Variants in PBX1 observed in about 807,000 individuals in gnomAD.
The protein encoded by PBX1 is pre-B-cell leukemia transcription factor 1.
In PBX1, 6 loss-of-function variants were observed where a neutral mutation model predicts 53.4. That is an observed-to-expected ratio of 0.11 (90% CI 0.06 to 0.22). PBX1 has a LOEUF of 0.22. Among genes scored for constraint, PBX1 ranks in the 10% least tolerant of loss-of-function variants. PBX1 has a pLI of 1.00. For synonymous variants in PBX1, 204 were observed against 212.3 expected (o/e 0.96, Z 0.34); for missense variants, 251 against 551.4 (o/e 0.46, Z 5.46).
Position 164,559,722 on chromosome 1 carries a change from G to T in PBX1, c.-101G>T. 1.2e-6 allele frequency: 1 copy of T among 825,192 alleles called. No homozygotes were observed. Among genetic ancestry groups the T allele is most frequent in the Non-Finnish European group, 1.8e-6 (1 of 560,064 alleles). The allele number at this position is 825,192 out of a possible 1,614,324, so 51.1% of individuals were successfully genotyped here. ...CCCCTTCCCTGTTTATCCTGAAAAGGATTTGAAGACAAGCTTGAAGGATAA... is the reference window on the plus strand; with the variant it reads ...CCCCTTCCCTGTTTATCCTGAAAAGTATTTGAAGACAAGCTTGAAGGATAA... On this transcript the variant is annotated 5_prime_UTR_variant, in exon 1 of 9. Coordinates refer to ENST00000420696, the MANE Select transcript of PBX1 (RefSeq NM_002585.4).
intron 2 of PBX1, among the ~76,000 whole-genome samples, chr1:164,768,185 T>C (rs1489308304): frequency 6.6e-6 from 1 of 152,184 alleles, no homozygotes; most frequent in Non-Finnish European, 1.5e-5. Context: ...TCAGCAAAAC[T>C]GCAGACAGCA....
intron 2 of PBX1, among the ~76,000 whole-genome samples, chr1:164,750,626 ACAGT>A (rs1459678697): frequency 2.6e-5 from 4 of 152,200 alleles, no homozygotes; most frequent in Non-Finnish European, 5.9e-5. Context: ...GGGGGCAGAG[ACAGT>A]CAGAAGTAGC....
intron 8 of PBX1, among the ~76,000 whole-genome samples, chr1:164,827,784 T>G (rs1294493493): frequency 6.6e-6 from 1 of 152,252 alleles, no homozygotes; most frequent in African/African-American, 2.4e-5. Flanking sequence ...ATTCAATGGC[T>G]TATTCATGCA....
chr1:164,774,936 C>T (rs1304859108), intron 2 of PBX1, among the ~76,000 whole-genome samples: 2 of 152,192 alleles, frequency 1.3e-5, no homozygotes, highest in Non-Finnish European at 2.9e-5. Context: ...TGCTAATCCT[C>T]CTCTGCGTTC....
chr1:164,833,425 C>A (rs1054557422), intron 8 of PBX1, among the ~76,000 whole-genome samples: 1 of 152,076 alleles, frequency 6.6e-6, no homozygotes, highest in East Asian at 1.9e-4. Context: ...GGGGCAAAGA[C>A]GTTTTCAATC....
intron 2 of PBX1, chr1:164,700,489 G>A (rs866198964): frequency 2.0e-6 from 2 of 985,270 alleles, no homozygotes; most frequent in Non-Finnish European, 1.2e-6. Context: ...GCACCCGAAG[G>A]TTTCTTGCTA....
At chr1:164,662,591 G>C (rs1466046638) in intron 2 of PBX1, among the ~76,000 whole-genome samples, 2 of 151,998 alleles carry the variant, frequency 1.3e-5, no homozygotes, top group African/African-American at 4.8e-5. Context: ...AGATAAGCCT[G>C]AAGCCTCCCT....
chr1:164,855,534 C>T (rs1046693516), downstream of PBX1, among the ~76,000 whole-genome samples: 2 of 152,102 alleles, frequency 1.3e-5, no homozygotes, highest in Non-Finnish European at 2.9e-5. Context: ...GTTGGCCTGA[C>T]CCACAGAATT....
intron 2 of PBX1, among the ~76,000 whole-genome samples, chr1:164,768,192 A>G (rs767937663): frequency 1.1e-4 from 17 of 152,250 alleles, no homozygotes; most frequent in Non-Finnish European, 2.1e-4. Context: ...AACTGCAGAC[A>G]GCAAGTACAG....
chr1:164,732,592 C>A lies in PBX1; in HGVS notation c.266-59902C>A, dbSNP rs536135242. On this transcript the variant is annotated intron_variant, in intron 2 of 8. Transcript: ENST00000420696. ...AAAAGTAATTGAGGTCTTTCCATTA[C>A]TTTTAATGGCAAAGACCGTAATTAC... is the stretch of plus-strand genomic sequence containing the variant. 8.2e-4 allele frequency among the ~76,000 whole-genome samples: 125 copies of A among 152,122 alleles called. 1 individual carries two copies. Among genetic ancestry groups the A allele is most frequent in the Non-Finnish European group, 1.4e-3 (95 of 67,986 alleles).
At chr1:164,776,819 T>C (rs2102263135) in intron 2 of PBX1, among the ~76,000 whole-genome samples, 1 of 152,278 alleles carries the variant, frequency 6.6e-6, no homozygotes, top group African/African-American at 2.4e-5. Flanking sequence ...CTTGTCATTG[T>C]ACATATGGCT....
At chr1:164,641,907 T>C (rs1659168977) in intron 2 of PBX1, 1 of 152,206 alleles carries the variant, frequency 6.6e-6, no homozygotes, top group Non-Finnish European at 1.5e-5. Context: ...GAACACTTGA[T>C]AAATTTTAAG....
intron 2 of PBX1, among the ~76,000 whole-genome samples, chr1:164,708,129 G>T (rs534031831): frequency 1.2e-4 from 19 of 152,316 alleles, no homozygotes; most frequent in Admixed American, 3.3e-4. Flanking sequence ...TCAGCCTGAT[G>T]CAGGCCACAG....
At chr1:164,579,013 C>T (rs568448830) in intron 2 of PBX1, among the ~76,000 whole-genome samples, 101 of 150,746 alleles carry the variant, frequency 6.7e-4, no homozygotes, top group Admixed American at 4.2e-3. Flanking sequence ...TTGGCATTTC[C>T]GTGGGATGGC....
downstream of PBX1, chr1:164,854,099 T>G (rs1320450594): frequency 6.6e-6 from 1 of 151,876 alleles, no homozygotes; most frequent in Non-Finnish European, 1.5e-5. Flanking sequence ...AGAGACGAGG[T>G]CTCACCATGT....
At chr1:164,573,661 T>C (rs1411259368) in intron 2 of PBX1, among the ~76,000 whole-genome samples, 1 of 152,112 alleles carries the variant, frequency 6.6e-6, no homozygotes, top group Non-Finnish European at 1.5e-5. Flanking sequence ...ACCCTGCTAA[T>C]TTTTAGTAGA....
chr1:164,877,091 T>C (rs1368314052), intron 2 of PBX1, among the ~76,000 whole-genome samples: 1 of 152,070 alleles, frequency 6.6e-6, no homozygotes, highest in African/African-American at 2.4e-5. Context: ...GAAGTAAGTT[T>C]TTTTTTTTGC....
At chr1:164,707,637 C>T (rs932501305) in intron 2 of PBX1, among the ~76,000 whole-genome samples, 1 of 151,776 alleles carries the variant, frequency 6.6e-6, no homozygotes, top group East Asian at 1.9e-4. Flanking sequence ...GTTTAAGAGT[C>T]GCCAAGCCAA....
intron 2 of PBX1, among the ~76,000 whole-genome samples, chr1:164,644,998 A>G (rs1659364508): frequency 6.6e-6 from 1 of 152,152 alleles, no homozygotes; most frequent in African/African-American, 2.4e-5. Context: ...TTTTTCTCCA[A>G]ATGCAACAGC....
Sources: gnomAD v4.1 joint callset for allele counts (sites outside exome capture counted in the v4.1 genomes callset) on GRCh38, gnomAD v4.1.1 for gene constraint, MANE v1.5 for transcripts, NCBI Gene and HGNC (gene_info 2026-07-23, HGNC 2026-07-21) for gene names.